DNAH9: variants seen among roughly 807,000 people sequenced by gnomAD.
DNAH9 encodes the protein dynein axonemal heavy chain 9.
In DNAH9, 345 loss-of-function variants were observed where a neutral mutation model predicts 471.6. The observed-to-expected ratio is 0.73, with a 90% CI of 0.67 to 0.80. DNAH9 has a LOEUF of 0.80. Ranked by LOEUF, DNAH9 falls within the 30% of genes least tolerant of loss-of-function variation. The probability of loss-of-function intolerance (pLI) is 0.00; values close to 1 mark genes in which losing one functional copy is unlikely to be tolerated. For synonymous variants in DNAH9, 2,093 were observed against 2,123.6 expected (o/e 0.99, Z 0.40); for missense variants, 5,407 against 5,609.2 (o/e 0.96, Z 1.15).
intron 14 of DNAH9, among the ~76,000 whole-genome samples, chr17:11,661,049 C>G (rs1329041643): frequency 6.7e-6 from 1 of 148,238 alleles, no homozygotes; most frequent in Admixed American, 6.6e-5. Flanking sequence ...GTTTGAAGTT[C>G]TGTTAAGTTC....
At chr17:11,747,844 A>C (rs1429129334) in intron 32 of DNAH9, 78 bp downstream of exon 32, 4 of 1,298,986 alleles carry the variant, frequency 3.1e-6, no homozygotes, top group Admixed American at 1.8e-5. Flanking sequence ...CAGTTGGGTG[A>C]ATTGCAGAAG....
At chr17:11,882,277 T>G (rs1192415302) in intron 55 of DNAH9, among the ~76,000 whole-genome samples, 2 of 152,182 alleles carry the variant, frequency 1.3e-5, no homozygotes, top group African/African-American at 2.4e-5. Context: ...AAGCCATGGC[T>G]CCACCCTGAT....
At chr17:11,747,457 C>T (rs1310081479) in intron 31 of DNAH9, 99 bp from the exon 32 acceptor site, 2 of 878,572 alleles carry the variant, frequency 2.3e-6, no homozygotes, top group East Asian at 2.6e-5. Context: ...CTGTTGACTT[C>T]AGGTCTCACT....
At chr17:11,781,840 AAAACAAAC>A (rs918877712) in intron 39 of DNAH9, among the ~76,000 whole-genome samples, 5 of 146,418 alleles carry the variant, frequency 3.4e-5, no homozygotes, top group South Asian at 2.2e-4. Flanking sequence ...TTAAAAAAAA[AAAACAAAC>A]AAAAAAAAAA....
intron 15 of DNAH9, among the ~76,000 whole-genome samples, chr17:11,668,450 A>G (rs1370307840): frequency 6.6e-6 from 1 of 152,092 alleles, no homozygotes; most frequent in Non-Finnish European, 1.5e-5. Context: ...GCGAATCACG[A>G]GGTCAGGAGT....
At chr17:11,701,023 C>G (rs2074584290) in intron 23 of DNAH9, 99 bp from the exon 24 acceptor site, 1 of 1,310,798 alleles carries the variant, frequency 7.6e-7, no homozygotes, top group South Asian at 1.3e-5. Flanking sequence ...AATGTGTGGG[C>G]TCCCTTTCCT....
chr17:11,658,894 T>C (rs966957143), intron 14 of DNAH9, among the ~76,000 whole-genome samples: 2 of 152,244 alleles, frequency 1.3e-5, no homozygotes, highest in South Asian at 4.1e-4. Context: ...GTATTTGCTC[T>C]GATAATTTTA....
At chr17:11,812,203 C>T (rs1662027742) in intron 45 of DNAH9, among the ~76,000 whole-genome samples, 1 of 150,902 alleles carries the variant, frequency 6.6e-6, no homozygotes, top group Non-Finnish European at 1.5e-5. Flanking sequence ...ACCACCTCTT[C>T]ATCTCAATTG....
intron 49 of DNAH9, among the ~76,000 whole-genome samples, chr17:11,843,430 A>G (rs1435875361): frequency 6.6e-6 from 1 of 152,190 alleles, no homozygotes; most frequent in Non-Finnish European, 1.5e-5. Context: ...GAAGAAAACT[A>G]CATATCCTTA....
rs545954297 is a variant in DNAH9 at position 11,781,311 on chromosome 17, A to G, written c.7718+137A>G. On this transcript the variant is annotated intron_variant, in intron 39 of 68. Transcript: ENST00000262442. ...GATGGGAATCTTTGTGGTAAACCAC[A>G]TTTCTCATTCAATTCTCTATTTCCC... 6.6e-6 allele frequency: 6 copies of G among 912,854 alleles called. No individual in the cohort carries two copies. The East Asian group carries it at 1.7e-4, about 26-fold the overall frequency. 56.5% of individuals were successfully genotyped at this position (912,854 alleles called of 1,614,324 possible).
chr17:11,951,845 C>A (rs553633671), intron 67 of DNAH9, among the ~76,000 whole-genome samples: 1 of 151,538 alleles, frequency 6.6e-6, no homozygotes, highest in African/African-American at 2.4e-5. Flanking sequence ...ATTGCTTGAA[C>A]CTGGAAGGCA....
intron 19 of DNAH9, 72 bp downstream of exon 19, chr17:11,680,961 G>T: frequency 7.2e-7 from 1 of 1,380,478 alleles, no homozygotes. Flanking sequence ...ATCTTTTTGT[G>T]GGGCGTGTGT....
intron 27 of DNAH9, 32 bp downstream of exon 27, chr17:11,719,522 G>T: frequency 6.3e-7 from 1 of 1,588,738 alleles, no homozygotes. Context: ...TGGGGGTGGG[G>T]GTGGGGGATA....
At chr17:11,743,273 T>A (rs914942249) in intron 30 of DNAH9, among the ~76,000 whole-genome samples, 1 of 152,212 alleles carries the variant, frequency 6.6e-6, no homozygotes, top group Non-Finnish European at 1.5e-5. Context: ...TAATTTTAAA[T>A]GAACCCTTAA....
chr17:11,646,363 A>G (rs1045178405), intron 11 of DNAH9, among the ~76,000 whole-genome samples: 5 of 151,982 alleles, frequency 3.3e-5, no homozygotes, highest in African/African-American at 1.2e-4. Flanking sequence ...TGCGATCCCC[A>G]CCATTAACTG....
chr17:11,815,118 G>A (rs1567821308), intron 45 of DNAH9, among the ~76,000 whole-genome samples: 2 of 151,940 alleles, frequency 1.3e-5, no homozygotes, highest in Non-Finnish European at 2.9e-5. Flanking sequence ...TTCTCCAGCT[G>A]CAAAACAGAA....
At chr17:11,636,964 C>T (rs549055800) in intron 9 of DNAH9, among the ~76,000 whole-genome samples, 180 bp downstream of exon 9, 129 of 152,322 alleles carry the variant, frequency 8.5e-4, no homozygotes, top group Admixed American at 1.8e-3. Context: ...CTCTGAACTA[C>T]GGCTTTCCCT....
chr17:11,646,081 G>A (rs781266938), intron 11 of DNAH9, among the ~76,000 whole-genome samples: 7 of 151,750 alleles, frequency 4.6e-5, no homozygotes, highest in Non-Finnish European at 8.8e-5. Context: ...GGGTTTTACC[G>A]TGTTAGCCAG....
chr17:11,919,843 A>G (rs1003079227), intron 61 of DNAH9, among the ~76,000 whole-genome samples: 1 of 152,154 alleles, frequency 6.6e-6, no homozygotes, highest in Admixed American at 6.5e-5. Context: ...AAAGGACTCA[A>G]CATTTCACTG....
Sources: allele counts gnomAD v4.1 joint callset (sites outside exome capture counted in the v4.1 genomes callset), GRCh38; gene constraint gnomAD v4.1.1; transcripts MANE v1.5; gene names NCBI Gene and HGNC (gene_info 2026-07-23, HGNC 2026-07-21).